Variants in CSMD1 observed in about 807,000 individuals in gnomAD.
CSMD1 encodes CUB and sushi domain-containing protein 1.
Under a neutral mutation model 417.5 loss-of-function variants are expected in CSMD1, and 213 were observed. The ratio of observed to expected loss-of-function variants is 0.51; its 90% confidence interval spans 0.46 to 0.57. CSMD1 has a LOEUF of 0.57. CSMD1 is among the 20% of genes least tolerant of loss of function. The pLI is 0.00. For synonymous variants in CSMD1, 2,862 were observed against 1,736.8 expected (o/e 1.65, Z -16.11); for missense variants, 6,923 against 4,529.7 (o/e 1.53, Z -15.17).
At chr8:4,045,050 G>A (rs928503444) in intron 3 of CSMD1, among the ~76,000 whole-genome samples, 2 of 152,218 alleles carry the variant, frequency 1.3e-5, no homozygotes, top group African/African-American at 4.8e-5. Flanking sequence ...CTGATTTACA[G>A]GAAAGCCTTG....
At chr8:3,088,745 T>A (rs1284485184) in intron 48 of CSMD1, among the ~76,000 whole-genome samples, 1 of 151,222 alleles carries the variant, frequency 6.6e-6, no homozygotes, top group Non-Finnish European at 1.5e-5. Context: ...CTAGACCAAA[T>A]TCTTCTAAGT....
At chr8:2,994,746 A>G (rs1211408292) in intron 54 of CSMD1, among the ~76,000 whole-genome samples, 1 of 152,202 alleles carries the variant, frequency 6.6e-6, no homozygotes, top group East Asian at 1.9e-4. Context: ...CATCTTTATC[A>G]TTCAATTTTT....
At chr8:4,500,017 G>A (rs562147313) in intron 2 of CSMD1, among the ~76,000 whole-genome samples, 4 of 152,098 alleles carry the variant, frequency 2.6e-5, no homozygotes, top group Non-Finnish European at 4.4e-5. Flanking sequence ...AGAAAGAAGC[G>A]GGAGAAGTTG....
intron 1 of CSMD1, among the ~76,000 whole-genome samples, chr8:4,889,023 C>T (rs554701023): frequency 1.2e-4 from 19 of 152,184 alleles, no homozygotes; most frequent in Admixed American, 2.0e-4. Flanking sequence ...TTGGCAAACA[C>T]GATGGCATTT....
chr8:3,430,499 C>G (rs751078524), intron 12 of CSMD1, among the ~76,000 whole-genome samples: 1 of 152,068 alleles, frequency 6.6e-6, no homozygotes, highest in Non-Finnish European at 1.5e-5. Context: ...TTTATTTCAT[C>G]ATTACAACAT....
intron 3 of CSMD1, among the ~76,000 whole-genome samples, chr8:4,392,780 C>T (rs1021988040): frequency 1.3e-5 from 2 of 151,468 alleles, no homozygotes; most frequent in Non-Finnish European, 2.9e-5. Flanking sequence ...ACATCCTGGC[C>T]AACATGGTGA....
chr8:3,191,265 G>A (rs998742614), intron 33 of CSMD1, among the ~76,000 whole-genome samples: 2 of 152,044 alleles, frequency 1.3e-5, no homozygotes, highest in Non-Finnish European at 2.9e-5. Context: ...TTATCAGCCT[G>A]GCCAACAGGT....
intron 8 of CSMD1, among the ~76,000 whole-genome samples, chr8:3,593,412 C>T (rs946578515): frequency 6.6e-6 from 1 of 152,190 alleles, no homozygotes; most frequent in African/African-American, 2.4e-5. Context: ...CCAGGTCCAC[C>T]TGCCTCCAGG....
intron 5 of CSMD1, among the ~76,000 whole-genome samples, chr8:3,871,754 G>A (rs940122169): frequency 6.6e-6 from 1 of 152,102 alleles, no homozygotes; most frequent in African/African-American, 2.4e-5. Context: ...TGAGAATGTG[G>A]GTAAAATGGT....
chr8:4,628,644 C>T (rs957127028), intron 2 of CSMD1, among the ~76,000 whole-genome samples: 2 of 151,534 alleles, frequency 1.3e-5, no homozygotes, highest in African/African-American at 4.8e-5. Flanking sequence ...CATGCCCTGC[C>T]AGGGACACTA....
chr8:4,856,642 A>C (rs1262566732), intron 1 of CSMD1, among the ~76,000 whole-genome samples: 1 of 147,644 alleles, frequency 6.8e-6, no homozygotes, highest in South Asian at 2.2e-4. Flanking sequence ...CAGACTTTAA[A>C]CCAACAAAGA....
intron 26 of CSMD1, among the ~76,000 whole-genome samples, chr8:3,255,014 G>T (rs1800546963): frequency 6.6e-6 from 1 of 152,006 alleles, no homozygotes; most frequent in Non-Finnish European, 1.5e-5. Context: ...ATCTACCTTT[G>T]GTCTTTGATG....
At chr8:3,065,117 A>C (rs746880319) in intron 49 of CSMD1, among the ~76,000 whole-genome samples, 11 of 152,194 alleles carry the variant, frequency 7.2e-5, no homozygotes, top group Non-Finnish European at 1.3e-4. Flanking sequence ...AGAAGAAATA[A>C]ACCTGGAAAT....
chr8:4,397,570 T>G (rs1274456341), intron 3 of CSMD1, among the ~76,000 whole-genome samples: 1 of 148,370 alleles, frequency 6.7e-6, no homozygotes, highest in African/African-American at 2.5e-5. Flanking sequence ...AATCTTGCTC[T>G]TTTGCCCAGG....
At chr8:3,051,655 T>C (rs985899758) in intron 50 of CSMD1, among the ~76,000 whole-genome samples, 1 of 152,256 alleles carries the variant, frequency 6.6e-6, no homozygotes, top group African/African-American at 2.4e-5. Context: ...ACATACATGA[T>C]ATATTAAATG....
intron 50 of CSMD1, among the ~76,000 whole-genome samples, chr8:3,042,131 A>T (rs1238648675): frequency 2.0e-5 from 3 of 152,154 alleles, no homozygotes; most frequent in East Asian, 3.9e-4. Context: ...GGTGATGGGG[A>T]CAATTCTCCA....
intron 7 of CSMD1, among the ~76,000 whole-genome samples, chr8:3,627,097 T>C (rs1208257007): frequency 2.6e-5 from 4 of 152,148 alleles, no homozygotes; most frequent in South Asian, 2.1e-4. Context: ...TTTAACATTG[T>C]AATTAACCTA....
chr8:4,650,758 T>G (rs1342053302), intron 1 of CSMD1, among the ~76,000 whole-genome samples: 4 of 152,226 alleles, frequency 2.6e-5, no homozygotes, highest in Admixed American at 2.6e-4. Context: ...TTTTGCCTAT[T>G]TAAGCATGGT....
At chr8:3,856,201 T>C (rs575702577) in intron 5 of CSMD1, among the ~76,000 whole-genome samples, 1 of 152,156 alleles carries the variant, frequency 6.6e-6, no homozygotes, top group Admixed American at 6.5e-5. Flanking sequence ...GCTGTTCTCA[T>C]GATAGAGTTC....
Sources: allele counts gnomAD v4.1 joint callset (sites outside exome capture counted in the v4.1 genomes callset), GRCh38; gene constraint gnomAD v4.1.1; transcripts MANE v1.5; gene names NCBI Gene and HGNC (gene_info 2026-07-23, HGNC 2026-07-21).